AKR1D1: variants seen among roughly 807,000 people sequenced by gnomAD.
AKR1D1 encodes the protein aldo-keto reductase family 1 member D1.
A neutral mutation model predicts 42.6 loss-of-function variants in AKR1D1; 32 were observed. The observed-to-expected ratio is 0.75, with a 90% CI of 0.57 to 1.01. The LOEUF (loss-of-function observed/expected upper bound fraction) is 1.01, where lower values mean the gene tolerates loss of function less well. AKR1D1 is among the 50% of genes least tolerant of loss of function. AKR1D1 has a pLI of 0.00. For synonymous variants in AKR1D1, 123 were observed against 135.5 expected (o/e 0.91, Z 0.64); for missense variants, 364 against 402.2 (o/e 0.91, Z 0.81).
chr7:138,095,866 A>G (rs964796823), intron 3 of AKR1D1, among the ~76,000 whole-genome samples: 1 of 151,138 alleles, frequency 6.6e-6, no homozygotes. Flanking sequence ...ATTTTGTCCA[A>G]TTGCTTGATT....
At chr7:138,084,483 C>G (rs570511487) in intron 1 of AKR1D1, among the ~76,000 whole-genome samples, 3 of 151,766 alleles carry the variant, frequency 2.0e-5, no homozygotes, top group Admixed American at 6.6e-5. Flanking sequence ...CCTCCCAAAG[C>G]GCTGGGATTA....
chr7:138,076,670 G>A (rs936611576), intron 1 of AKR1D1, 59 bp downstream of exon 1: 3 of 1,365,160 alleles, frequency 2.2e-6, no homozygotes, highest in Non-Finnish European at 3.1e-6. Flanking sequence ...TTTGCCTATA[G>A]CATAATCTGC....
chr7:138,082,024 T>C (rs2117414895), intron 1 of AKR1D1, among the ~76,000 whole-genome samples: 1 of 152,324 alleles, frequency 6.6e-6, no homozygotes, highest in Non-Finnish European at 1.5e-5. Flanking sequence ...GGAGGCAATA[T>C]GCAGGTAGAT....
chr7:138,099,544 G>A (rs1410971840), intron 4 of AKR1D1, among the ~76,000 whole-genome samples: 3 of 151,846 alleles, frequency 2.0e-5, no homozygotes, highest in African/African-American at 7.3e-5. Context: ...AGAAGAAAAT[G>A]GTCAAATTGA....
chr7:138,089,852 T>C (rs1211441762), intron 2 of AKR1D1, among the ~76,000 whole-genome samples: 2 of 152,120 alleles, frequency 1.3e-5, no homozygotes, highest in East Asian at 1.9e-4. Context: ...TGAGAGGCAA[T>C]GTGGGGGTGA....
chr7:138,096,912 C>CT (rs1399718232), intron 3 of AKR1D1, among the ~76,000 whole-genome samples: 2 of 152,204 alleles, frequency 1.3e-5, no homozygotes, highest in Non-Finnish European at 2.9e-5. Flanking sequence ...CAAATTTTAT[C>CT]TGTAGCCATG....
At chr7:138,089,097 C>A (rs1260706404) in intron 2 of AKR1D1, among the ~76,000 whole-genome samples, 1 of 152,196 alleles carries the variant, frequency 6.6e-6, no homozygotes, top group African/African-American at 2.4e-5. Flanking sequence ...CGCCTCTAAT[C>A]CGCACTTCGG....
intron 2 of AKR1D1, among the ~76,000 whole-genome samples, chr7:138,090,471 T>C (rs536180343): frequency 2.6e-5 from 4 of 151,900 alleles, no homozygotes; most frequent in Admixed American, 6.6e-5. Context: ...ACCCCATCTC[T>C]ACTAAAAATA....
chr7:138,100,830 G>A (rs7797080), intron 4 of AKR1D1, among the ~76,000 whole-genome samples: 23,005 of 146,098 alleles, frequency 0.16, 1,833 homozygotes, highest in South Asian at 0.2. Flanking sequence ...TCAGCCTCCC[G>A]AGTAGCTGGG....
chr7:138,081,690 A>C, intron 1 of AKR1D1, among the ~76,000 whole-genome samples: 2 of 151,680 alleles, frequency 1.3e-5, no homozygotes, highest in East Asian at 3.9e-4. Flanking sequence ...CACAACACCC[A>C]GCTAATTTTT....
intron 2 of AKR1D1, among the ~76,000 whole-genome samples, chr7:138,089,712 A>G (rs1017808772): frequency 6.6e-6 from 1 of 152,244 alleles, no homozygotes. Context: ...GGCTGTATGT[A>G]ATAAAGCATA....
intron 2 of AKR1D1, chr7:138,091,362 TGAA>T (rs1463211936): frequency 1.5e-5 from 4 of 258,750 alleles, no homozygotes; most frequent in South Asian, 4.5e-5. Flanking sequence ...CTTTCCCTGA[TGAA>T]GGAGGAGGGT....
chr7:138,088,201 C>CT (rs1326164017), intron 1 of AKR1D1, among the ~76,000 whole-genome samples: 1 of 152,142 alleles, frequency 6.6e-6, no homozygotes, highest in African/African-American at 2.4e-5. Flanking sequence ...CACTTCATTC[C>CT]TTTTTATTAC....
At chr7:138,105,192 C>T (rs1794395892) in intron 4 of AKR1D1, 115 bp from the exon 5 acceptor site, 3 of 1,451,308 alleles carry the variant, frequency 2.1e-6, no homozygotes, top group Non-Finnish European at 2.9e-6. Flanking sequence ...TCGCAAGATG[C>T]TTATTAACAT....
At position 138,116,852 on chromosome 7, in the gene AKR1D1, AT is replaced by A. The variant is rs2117481485; in HGVS notation, c.*191del. On this transcript the variant is annotated 3_prime_UTR_variant, in exon 9 of 9. Coordinates refer to ENST00000242375, the MANE Select transcript of AKR1D1 (RefSeq NM_005989.4). Reference sequence around the variant, plus strand: ...GTCACATTGAAGTAAAAATATTAAAATCTGTTGAAATAACTCTTAGGAAATT... The same window carrying A: ...GTCACATTGAAGTAAAAATATTAAAACTGTTGAAATAACTCTTAGGAAATT... 7 of 556,780 alleles carry A rather than the reference AT, an allele frequency of 1.3e-5. No homozygotes were observed. The highest frequency in any genetic ancestry group is 3.7e-4 in the Middle Eastern group (1 of 2,712). 34.5% of individuals were successfully genotyped at this position (556,780 alleles called of 1,614,324 possible).
At chr7:138,107,986 T>C (rs1175497715) in intron 7 of AKR1D1, among the ~76,000 whole-genome samples, 1 of 152,110 alleles carries the variant, frequency 6.6e-6, no homozygotes, top group Non-Finnish European at 1.5e-5. Flanking sequence ...ACCCAGCCTC[T>C]TCCCTTATCT....
chr7:138,089,536 A>G (rs1484653393), intron 2 of AKR1D1, among the ~76,000 whole-genome samples: 3 of 151,978 alleles, frequency 2.0e-5, no homozygotes, highest in African/African-American at 7.2e-5. Context: ...TTAATGACTC[A>G]TATTATAGGA....
At chr7:138,090,685 C>A (rs1433739113) in intron 2 of AKR1D1, among the ~76,000 whole-genome samples, 3 of 151,172 alleles carry the variant, frequency 2.0e-5, no homozygotes, top group African/African-American at 7.3e-5. Flanking sequence ...AAACTTATAT[C>A]CCCCCAAAAA....
intron 3 of AKR1D1, among the ~76,000 whole-genome samples, chr7:138,093,122 G>A (rs1191736085): frequency 6.9e-6 from 1 of 145,750 alleles, no homozygotes; most frequent in Non-Finnish European, 1.5e-5. Context: ...AGGCTGAAGT[G>A]CAGTGGTGCC....
Sources: gnomAD v4.1 joint callset for allele counts (sites outside exome capture counted in the v4.1 genomes callset) on GRCh38, gnomAD v4.1.1 for gene constraint, MANE v1.5 for transcripts, NCBI Gene and HGNC (gene_info 2026-07-23, HGNC 2026-07-21) for gene names.